FEZ1: variants seen among roughly 807,000 people sequenced by gnomAD.
FEZ1 encodes the protein fasciculation and elongation protein zeta 1.
FEZ1 carries 20 observed loss-of-function variants against 49.3 expected under a neutral mutation model. The observed-to-expected ratio is 0.41, with a 90% CI of 0.29 to 0.59. The LOEUF is 0.59. Ranked by LOEUF, FEZ1 falls within the 20% of genes least tolerant of loss-of-function variation. The pLI is 0.36. For synonymous variants in FEZ1, 170 were observed against 180.9 expected (o/e 0.94, Z 0.48); for missense variants, 413 against 476.0 (o/e 0.87, Z 1.23).
intron 3 of FEZ1, among the ~76,000 whole-genome samples, chr11:125,474,246 G>A (rs1957208903): frequency 7.0e-6 from 1 of 143,652 alleles, no homozygotes; most frequent in Admixed American, 7.2e-5. Flanking sequence ...CACCGTGTTA[G>A]CCAGCATGGT....
chr11:125,480,654 T>A (rs1271068093), intron 3 of FEZ1, among the ~76,000 whole-genome samples: 1 of 152,206 alleles, frequency 6.6e-6, no homozygotes, highest in Non-Finnish European at 1.5e-5. Context: ...TAAACCACCA[T>A]TATTTGAACC....
chr11:125,457,692 G>A (rs1385730618), intron 5 of FEZ1, among the ~76,000 whole-genome samples: 2 of 151,704 alleles, frequency 1.3e-5, no homozygotes, highest in African/African-American at 4.8e-5. Flanking sequence ...GAGATGTTTG[G>A]ATGCAGACAT....
intron 2 of FEZ1, among the ~76,000 whole-genome samples, chr11:125,482,690 C>A (rs582108): frequency 0.2 from 31,098 of 151,932 alleles, 3,439 homozygotes; most frequent in African/African-American, 0.27. Context: ...TGAGGCCGGG[C>A]GCGATGGCTC....
intron 5 of FEZ1, among the ~76,000 whole-genome samples, chr11:125,457,183 T>A (rs994766849): frequency 1.3e-5 from 2 of 151,328 alleles, no homozygotes; most frequent in Admixed American, 1.3e-4. Flanking sequence ...CAAAACTCTA[T>A]CTTAAAATAA....
Position 125,493,508 on chromosome 11 carries a change from G to GAAAGAAAGAAAGAA in FEZ1, c.-46+2612_-46+2613insTTCTTTCTTTCTTT, listed in dbSNP as rs1565307364. Reference sequence around the variant, plus strand: ...AAAGAAGGAAAGAAAGAAAGAAAGAGAGAAAGAAAGAAAGAAAGAAAGAAA... The same window carrying GAAAGAAAGAAAGAA: ...AAAGAAGGAAAGAAAGAAAGAAAGAGAAAGAAAGAAAGAAAGAAAGAAAGAAAGAAAGAAAGAAA... On this transcript the variant is annotated intron_variant, in intron 1 of 9. Transcript: ENST00000278919. Among the ~76,000 whole-genome samples the GAAAGAAAGAAAGAA allele has an allele frequency of 2.9e-4, 19 of 66,052 alleles. 3 individuals carry two copies. Among genetic ancestry groups the GAAAGAAAGAAAGAA allele is most frequent in the South Asian group, 6.4e-4 (1 of 1,570 alleles). The allele number at this position is 66,052 out of a possible 152,430, so 43.3% of individuals were successfully genotyped here.
intron 3 of FEZ1, among the ~76,000 whole-genome samples, chr11:125,478,009 T>C (rs975597238): frequency 2.0e-5 from 3 of 152,240 alleles, no homozygotes; most frequent in Non-Finnish European, 4.4e-5. Context: ...TTTTAAACTA[T>C]GTAGACGTGT....
intron 3 of FEZ1, among the ~76,000 whole-genome samples, chr11:125,475,275 T>TACACACACAC (rs67243081): frequency 0.011 from 1,530 of 141,782 alleles, 31 homozygotes; most frequent in East Asian, 0.054. Flanking sequence ...GTCTCAAAAA[T>TACACACACAC]ACACACACAC....
At position 125,443,698 on chromosome 11, in the gene FEZ1, A is replaced by G. The variant is rs1956872773; in HGVS notation, c.*2397T>C. ...GAATAGGAAGAACACAGGGAAGGGC[A>G]ATGCAAAACCATGAGGAATTGATTT... On this transcript the variant is annotated 3_prime_UTR_variant, in exon 10 of 10. Transcript: ENST00000278919. 6.6e-6 allele frequency among the ~76,000 whole-genome samples: 1 copy of G among 152,190 alleles called. No homozygotes were observed. The highest frequency in any genetic ancestry group is 1.9e-4 in the East Asian group (1 of 5,200).
At chr11:125,460,208 C>T (rs1957060631) in intron 5 of FEZ1, 1 of 280,826 alleles carries the variant, frequency 3.6e-6, no homozygotes, top group East Asian at 6.5e-5. Flanking sequence ...ATGGTAGCAT[C>T]ATTCATTGCT....
rs1172064166 is a variant in FEZ1, at chr11:125,444,336, A to G, written c.*1759T>C. 6.6e-6 allele frequency among the ~76,000 whole-genome samples: 1 copy of G among 152,206 alleles called. No individual in the cohort carries two copies. Among genetic ancestry groups the G allele is most frequent in the Non-Finnish European group, 1.5e-5 (1 of 68,040 alleles). On this transcript the variant is annotated 3_prime_UTR_variant, in exon 10 of 10. Coordinates refer to ENST00000278919, the MANE Select transcript of FEZ1 (RefSeq NM_005103.5). ...CGCGGTGACTCACGCCTATAATCCC[A>G]GCACTTTGGGAAGCCTAGGAGGGCA...
chr11:125,486,312 G>A (rs980710401), intron 2 of FEZ1, among the ~76,000 whole-genome samples: 4 of 152,158 alleles, frequency 2.6e-5, no homozygotes, highest in Admixed American at 6.5e-5. Flanking sequence ...GCTGAGGGCC[G>A]TCAATTTCCA....
In FEZ1 at chr11:125,445,998, A is replaced by G; in HGVS notation, c.*97T>C. 1 of 1,239,558 alleles carries G rather than the reference A, an allele frequency of 8.1e-7. No individual in the cohort carries two copies. The highest frequency in any genetic ancestry group is 1.2e-6 in the Non-Finnish European group (1 of 839,774). 76.8% of individuals were successfully genotyped at this position (1,239,558 alleles called of 1,614,324 possible). A position where few individuals can be genotyped will look rare whatever the true frequency, so the allele number is the denominator to read the frequency against. On this transcript the variant is annotated 3_prime_UTR_variant, in exon 10 of 10. Coordinates refer to ENST00000278919, the MANE Select transcript of FEZ1 (RefSeq NM_005103.5). The surrounding 1 kb of genome is among the most constrained non-coding windows in gnomAD (Gnocchi z 4.4). ...ATCCAGGTTAAGCTATACACGTTTA[A>G]ATACATGTCGGAGGTTACATGGTCT...
intron 9 of FEZ1, among the ~76,000 whole-genome samples, chr11:125,448,167 C>T (rs1956915039): frequency 6.6e-6 from 1 of 152,178 alleles, no homozygotes; most frequent in Admixed American, 6.5e-5. Flanking sequence ...AGCTTCCTTT[C>T]AAGTGCTTGA....
At chr11:125,485,017 T>C (rs909229974) in intron 2 of FEZ1, among the ~76,000 whole-genome samples, 2 of 152,206 alleles carry the variant, frequency 1.3e-5, no homozygotes, top group South Asian at 2.1e-4. Flanking sequence ...CTTTTGTGAG[T>C]ACCCGGAGGT....
chr11:125,483,516 A>T (rs1957302906), intron 2 of FEZ1, among the ~76,000 whole-genome samples: 1 of 152,230 alleles, frequency 6.6e-6, no homozygotes, highest in Non-Finnish European at 1.5e-5. Context: ...GCATTAATCC[A>T]GGCTAATTCT....
chr11:125,466,230 C>A (rs376786139), intron 3 of FEZ1, among the ~76,000 whole-genome samples: 70 of 152,214 alleles, frequency 4.6e-4, no homozygotes, highest in African/African-American at 1.6e-3. Context: ...CCTGTAATCC[C>A]AGCACTTTGG....
chr11:125,454,026 A>G, intron 7 of FEZ1, 104 bp downstream of exon 7: 3 of 669,650 alleles, frequency 4.5e-6, no homozygotes, highest in Non-Finnish European at 7.5e-6. Flanking sequence ...CCCCCTAAAT[A>G]AATGCTGGGA....
intron 2 of FEZ1, among the ~76,000 whole-genome samples, chr11:125,483,819 C>A (rs1283464450): frequency 6.6e-6 from 1 of 152,226 alleles, no homozygotes; most frequent in African/African-American, 2.4e-5. Flanking sequence ...GAGCTACACA[C>A]TTTCCAATGA....
rs911675557 is a variant in FEZ1 at position 125,444,287 on chromosome 11, T to C, written c.*1808A>G. Among the ~76,000 whole-genome samples the C allele has an allele frequency of 5.9e-5, 9 of 152,164 alleles. No homozygotes were observed. The highest frequency in any genetic ancestry group is 4.4e-5 in the Non-Finnish European group (3 of 68,014). The stretch of plus-strand genomic sequence containing the variant: ...GCTAAGATTGCTAGTGTTCTGCTTC[T>C]GGAAAAGCAGAAGCCGAGCTAGGCG... On this transcript the variant is annotated 3_prime_UTR_variant, in exon 10 of 10. Transcript: ENST00000278919.
Sources: gnomAD v4.1 joint callset for allele counts (sites outside exome capture counted in the v4.1 genomes callset) on GRCh38, gnomAD v4.1.1 for gene constraint, Gnocchi (gnomAD v3.1) non-coding constraint, MANE v1.5 for transcripts, NCBI Gene and HGNC (gene_info 2026-07-23, HGNC 2026-07-21) for gene names.